ADGRL3: variants seen among roughly 807,000 people sequenced by gnomAD.
ADGRL3 encodes adhesion G protein-coupled receptor L3, also known as calcium-independent alpha-latrotoxin receptor 3.
A neutral mutation model predicts 153.5 loss-of-function variants in ADGRL3; 62 were observed. The ratio of observed to expected loss-of-function variants is 0.40; its 90% CI spans 0.33 to 0.50. The LOEUF is 0.50. Among genes scored for constraint, ADGRL3 ranks in the 20% least tolerant of loss-of-function variants. The pLI is 0.47. For synonymous variants in ADGRL3, 710 were observed against 672.5 expected (o/e 1.06, Z -0.86); for missense variants, 1,641 against 1,859.4 (o/e 0.88, Z 2.16).
At chr4:62,043,315 A>G (rs774426045) in intron 24 of ADGRL3, among the ~76,000 whole-genome samples, 1 of 152,046 alleles carries the variant, frequency 6.6e-6, no homozygotes, top group African/African-American at 2.4e-5. Context: ...AGGGTAATTA[A>G]TATTTTTAAT....
At chr4:61,283,492 A>G (rs186792156) in intron 1 of ADGRL3, among the ~76,000 whole-genome samples, 24 of 152,004 alleles carry the variant, frequency 1.6e-4, no homozygotes, top group African/African-American at 5.8e-4. Flanking sequence ...TGATGACATT[A>G]GTGAGATTTG....
At chr4:61,645,468 T>C (rs1168146387) in intron 5 of ADGRL3, among the ~76,000 whole-genome samples, 3 of 151,408 alleles carry the variant, frequency 2.0e-5, no homozygotes, top group Non-Finnish European at 4.4e-5. Flanking sequence ...GGAGCTCTTT[T>C]AGGGCAGGCC....
intron 8 of ADGRL3, among the ~76,000 whole-genome samples, chr4:61,753,853 G>A (rs760346665): frequency 6.6e-6 from 1 of 151,922 alleles, no homozygotes; most frequent in Non-Finnish European, 1.5e-5. Context: ...TTTTGAATTT[G>A]CTTCCCTGGA....
intron 21 of ADGRL3, among the ~76,000 whole-genome samples, chr4:62,008,152 C>A (rs147292478): frequency 6.6e-6 from 1 of 152,064 alleles, no homozygotes; most frequent in Non-Finnish European, 1.5e-5. Context: ...CAGGTAAAGA[C>A]AATCTTTTCA....
At chr4:61,872,048 G>A (rs1362707418) in intron 9 of ADGRL3, among the ~76,000 whole-genome samples, 2 of 152,120 alleles carry the variant, frequency 1.3e-5, no homozygotes, top group East Asian at 3.9e-4. Context: ...ATTTTTGTTT[G>A]TTTGATTGCT....
At chr4:61,408,552 T>C (rs2097035115) in intron 2 of ADGRL3, among the ~76,000 whole-genome samples, 1 of 152,114 alleles carries the variant, frequency 6.6e-6, no homozygotes, top group Non-Finnish European at 1.5e-5. Context: ...CTTATTGGTA[T>C]GAAGAACTGG....
At chr4:61,951,238 A>G (rs2098946105) in intron 17 of ADGRL3, among the ~76,000 whole-genome samples, 2 of 152,226 alleles carry the variant, frequency 1.3e-5, no homozygotes, top group South Asian at 4.1e-4. Context: ...TTAACAAAAT[A>G]TAGCTTTATA....
At chr4:61,434,210 A>G (rs777963338) in intron 2 of ADGRL3, among the ~76,000 whole-genome samples, 51 of 152,100 alleles carry the variant, frequency 3.4e-4, no homozygotes, top group Non-Finnish European at 6.2e-4. Flanking sequence ...GGGCTTCCTT[A>G]AAGAGTCTCT....
rs541204134 is a variant in ADGRL3 at position 61,303,960 on chromosome 4, G to A, written c.-239-79164G>A. Among the ~76,000 whole-genome samples, 6 of 152,250 alleles carry A rather than the reference G, an allele frequency of 3.9e-5. No individual in the cohort carries two copies. The East Asian group carries it at 9.6e-4, about 24-fold the overall frequency. Reference sequence around the variant, plus strand: ...CCAGAATCTCTGTCCTATTCACAAGGCATCCTGTTCAGTATTAGGAGATAA... The same window carrying A: ...CCAGAATCTCTGTCCTATTCACAAGACATCCTGTTCAGTATTAGGAGATAA... On this transcript the variant is annotated intron_variant, in intron 1 of 26. Transcript: ENST00000683033.
intron 8 of ADGRL3, among the ~76,000 whole-genome samples, chr4:61,734,040 T>G (rs1173797106): frequency 6.6e-6 from 1 of 152,226 alleles, no homozygotes; most frequent in East Asian, 1.9e-4. Context: ...GTTGTCAGTT[T>G]GAGTCTGTCT....
chr4:61,407,375 T>C (rs997826303), intron 2 of ADGRL3, among the ~76,000 whole-genome samples: 3 of 152,120 alleles, frequency 2.0e-5, no homozygotes, highest in East Asian at 3.8e-4. Flanking sequence ...GAAAAAATAG[T>C]CTCTGCCTTT....
chr4:61,764,405 G>A (rs984089772), intron 8 of ADGRL3, among the ~76,000 whole-genome samples: 2 of 149,468 alleles, frequency 1.3e-5, no homozygotes, highest in East Asian at 2.0e-4. Flanking sequence ...GTTCTCTGGC[G>A]GGTAGGAGTG....
chr4:61,267,975 T>A (rs1472202251), intron 1 of ADGRL3, among the ~76,000 whole-genome samples: 2 of 151,694 alleles, frequency 1.3e-5, no homozygotes, highest in Non-Finnish European at 3.0e-5. Context: ...AGGAGCAGGC[T>A]TTTAGCACAA....
intron 2 of ADGRL3, among the ~76,000 whole-genome samples, chr4:61,476,370 G>A (rs552409053): frequency 1.3e-5 from 2 of 152,020 alleles, no homozygotes; most frequent in South Asian, 2.1e-4. Flanking sequence ...GGGATTACAG[G>A]CACACACCGC....
intron 5 of ADGRL3, among the ~76,000 whole-genome samples, chr4:61,660,641 A>T (rs2094567809): frequency 6.6e-6 from 1 of 152,122 alleles, no homozygotes; most frequent in Admixed American, 6.5e-5. Flanking sequence ...TAAGCTGTTG[A>T]TGAATAAAGT....
chr4:61,344,901 C>G (rs868377890), intron 1 of ADGRL3, among the ~76,000 whole-genome samples: 10 of 151,930 alleles, frequency 6.6e-5, no homozygotes, highest in South Asian at 6.2e-4. Flanking sequence ...ATTCTCTTGC[C>G]TCTGCCTCCC....
chr4:61,402,221 T>C (rs1275822350), intron 2 of ADGRL3, among the ~76,000 whole-genome samples: 1 of 152,096 alleles, frequency 6.6e-6, no homozygotes, highest in African/African-American at 2.4e-5. Context: ...TGCTAAAGCC[T>C]CGTCTATTGG....
intron 2 of ADGRL3, among the ~76,000 whole-genome samples, chr4:61,386,782 T>C (rs1352521633): frequency 6.6e-6 from 1 of 152,182 alleles, no homozygotes; most frequent in Non-Finnish European, 1.5e-5. Context: ...TTAGAATGGA[T>C]TATATAATAT....
chr4:61,456,447 C>A (rs1275677730), intron 2 of ADGRL3, among the ~76,000 whole-genome samples: 30 of 102,470 alleles, frequency 2.9e-4, no homozygotes, highest in East Asian at 9.0e-4. Context: ...ATAGATATAT[C>A]TATATCTATA....
Sources: allele counts gnomAD v4.1 joint callset (sites outside exome capture counted in the v4.1 genomes callset), GRCh38; gene constraint gnomAD v4.1.1; transcripts MANE v1.5; gene names NCBI Gene and HGNC (gene_info 2026-07-23, HGNC 2026-07-21).